Variants in TENM1 observed in about 807,000 individuals in gnomAD.
The protein encoded by TENM1 is teneurin-1.
TENM1 carries 35 observed loss-of-function variants against 174.8 expected under a neutral mutation model. The observed-to-expected ratio is 0.20, with a 90% CI of 0.15 to 0.27. The LOEUF is 0.27. TENM1 is among the 10% of genes least tolerant of loss of function. The pLI is 1.00. For synonymous variants in TENM1, 781 were observed against 798.7 expected (o/e 0.98, Z 0.37); for missense variants, 1,633 against 2,130.1 (o/e 0.77, Z 4.59).
At chrX:124,807,507 G>A (rs1354706033) in intron 3 of TENM1, among the ~76,000 whole-genome samples, 1 of 111,683 alleles carries the variant, frequency 9.0e-6, no homozygotes, top group Non-Finnish European at 1.9e-5. Flanking sequence ...AAAACACACT[G>A]GTAAAAGCAA....
the TENM1 span, among the ~76,000 whole-genome samples, chrX:125,175,002 G>T: frequency 9.0e-6 from 1 of 111,471 alleles, no homozygotes; most frequent in African/African-American, 3.3e-5. Flanking sequence ...GTAGTACTTG[G>T]CACACAGTAA....
chrX:124,420,348 T>C (rs1447990267), exon 25 of TENM1: 2 of 1,202,799 alleles, frequency 1.7e-6, no homozygotes, highest in Non-Finnish European at 2.2e-6. Flanking sequence ...TTACTTTTGG[T>C]AGCCAGAAGC....
At chrX:124,385,640 A>T (rs1372811171) in intron 29 of TENM1, 37 bp downstream of exon 32, 2 of 1,139,428 alleles carry the variant, frequency 1.8e-6, no homozygotes, top group African/African-American at 3.6e-5. Flanking sequence ...GAAAATAGTG[A>T]TGTTGTTGTA....
chrX:124,508,719 A>G (rs999167997), intron 18 of TENM1, among the ~76,000 whole-genome samples: 6 of 111,737 alleles, frequency 5.4e-5, no homozygotes, highest in African/African-American at 2.0e-4. Flanking sequence ...TGCTTTGTCC[A>G]AGCCTAGCTG....
At chrX:125,021,489 T>C in the TENM1 span, among the ~76,000 whole-genome samples, 305 of 111,799 alleles carry the variant, frequency 2.7e-3, 1 homozygote, top group African/African-American at 9.5e-3. Context: ...AATGAAATAG[T>C]TGTAACACTT....
chrX:125,019,677 T>C, the TENM1 span, among the ~76,000 whole-genome samples: 5 of 111,026 alleles, frequency 4.5e-5, no homozygotes, highest in African/African-American at 1.3e-4. Flanking sequence ...TTCAAGGCCC[T>C]ATCTCTACAA....
intron 3 of TENM1, among the ~76,000 whole-genome samples, chrX:124,748,379 AT>A (rs987945264): frequency 1.8e-5 from 2 of 110,107 alleles, no homozygotes; most frequent in African/African-American, 6.6e-5. Context: ...ATATATATAT[AT>A]ATTTAAATTT....
At chrX:125,165,242 T>C in the TENM1 span, among the ~76,000 whole-genome samples, 1 of 111,720 alleles carries the variant, frequency 9.0e-6, no homozygotes, top group East Asian at 2.8e-4. Context: ...TGGAAAACAA[T>C]TGGTTTTGCA....
intron 22 of TENM1, among the ~76,000 whole-genome samples, chrX:124,454,405 G>GTT (rs1415467267): frequency 9.6e-5 from 7 of 73,203 alleles, no homozygotes; most frequent in African/African-American, 3.9e-4. Flanking sequence ...ATATCTAGGT[G>GTT]TTTTTTTTTT....
chrX:125,162,722 G>A, the TENM1 span, among the ~76,000 whole-genome samples: 7 of 111,313 alleles, frequency 6.3e-5, no homozygotes, highest in Non-Finnish European at 1.3e-4. Context: ...AATTGTATCT[G>A]TTGCCACAGC....
intron 11 of TENM1, among the ~76,000 whole-genome samples, chrX:124,638,102 T>C (rs952056072): frequency 1.8e-5 from 2 of 111,607 alleles, no homozygotes; most frequent in African/African-American, 6.5e-5. Context: ...TCATTTCATT[T>C]GTTTTGGTGG....
intron 4 of TENM1, among the ~76,000 whole-genome samples, chrX:124,729,794 T>C (rs908888053): frequency 5.3e-5 from 6 of 112,156 alleles, no homozygotes; most frequent in Non-Finnish European, 9.4e-5. Context: ...CAGGTATGTA[T>C]CGTCAAAATG....
At chrX:124,530,425 ATTAAAG>A (rs2048079368) in intron 15 of TENM1, among the ~76,000 whole-genome samples, 2 of 110,956 alleles carry the variant, frequency 1.8e-5, no homozygotes, top group African/African-American at 3.3e-5. Context: ...TCTTATCAAA[ATTAAAG>A]TTAATTACAT....
At chrX:125,079,087 C>T in the TENM1 span, among the ~76,000 whole-genome samples, 1 of 111,973 alleles carries the variant, frequency 8.9e-6, no homozygotes, top group South Asian at 3.7e-4. Context: ...CCTCACAATA[C>T]TGCCTCTCAT....
At chrX:124,447,585 T>A (rs769811594) in intron 23 of TENM1, among the ~76,000 whole-genome samples, 2 of 112,311 alleles carry the variant, frequency 1.8e-5, no homozygotes, top group East Asian at 5.6e-4. Flanking sequence ...GCGTTAATGC[T>A]GTGAAATCTA....
At chrX:124,657,907 T>A (rs1242118171) in intron 6 of TENM1, among the ~76,000 whole-genome samples, 1 of 112,529 alleles carries the variant, frequency 8.9e-6, no homozygotes, top group Non-Finnish European at 1.9e-5. Flanking sequence ...TACTTCACCC[T>A]ATAACATGCT....
intron 31 of TENM1, among the ~76,000 whole-genome samples, chrX:124,382,347 G>A (rs1337697794): frequency 2.7e-5 from 3 of 110,789 alleles, no homozygotes; most frequent in Admixed American, 9.6e-5. Context: ...GTCTCTTACC[G>A]AACAATTTTC....
chrX:124,799,593 A>C (rs998768569), intron 3 of TENM1, among the ~76,000 whole-genome samples: 2 of 111,056 alleles, frequency 1.8e-5, no homozygotes, highest in East Asian at 5.7e-4. Context: ...AATATCCTTT[A>C]TTTCTTTCTT....
the TENM1 span, among the ~76,000 whole-genome samples, chrX:125,107,678 G>C: frequency 2.7e-5 from 3 of 111,949 alleles, no homozygotes; most frequent in Admixed American, 2.8e-4. Context: ...TTTGCTAAAT[G>C]TTGGCTAGTT....
Sources: allele counts gnomAD v4.1 joint callset (sites outside exome capture counted in the v4.1 genomes callset), GRCh38; gene constraint gnomAD v4.1.1; transcripts MANE v1.5; gene names NCBI Gene and HGNC (gene_info 2026-07-23, HGNC 2026-07-21).